Variants in ZBTB16 observed in about 807,000 individuals in gnomAD.
The protein encoded by ZBTB16 is zinc finger and BTB domain containing 16.
In ZBTB16, 8 loss-of-function variants were observed where a neutral mutation model predicts 56.8. The observed-to-expected ratio is 0.14, with a 90% CI of 0.08 to 0.25. The LOEUF is 0.25. Among genes scored for constraint, ZBTB16 ranks in the 10% least tolerant of loss-of-function variants. The pLI is 1.00. For synonymous variants in ZBTB16, 363 were observed against 368.5 expected (o/e 0.98, Z 0.17); for missense variants, 625 against 903.0 (o/e 0.69, Z 3.95).
chr11:114,240,178 C>T (rs1256531428), intron 4 of ZBTB16, among the ~76,000 whole-genome samples: 1 of 152,132 alleles, frequency 6.6e-6, no homozygotes, highest in African/African-American at 2.4e-5. Context: ...ACTTCAGTGT[C>T]TGCAAAGGGA....
chr11:114,159,411 C>T (rs1189508296), intron 3 of ZBTB16, among the ~76,000 whole-genome samples: 4 of 152,180 alleles, frequency 2.6e-5, no homozygotes, highest in South Asian at 2.1e-4. Context: ...TAGGCAGGTG[C>T]GATGAGTCAT....
rs539061081 is a variant in ZBTB16, at chr11:114,099,336, T to C, written c.1268+34768T>C. 7.2e-5 allele frequency among the ~76,000 whole-genome samples: 11 copies of C among 152,220 alleles called. No homozygotes were observed. The South Asian group carries it at 1.2e-3, about 17-fold the overall frequency. ...GATACTCTGAATATATATATACACA[T>C]ACACACATATATAAAATAAATCTAT... On this transcript the variant is annotated intron_variant, in intron 2 of 6. Coordinates refer to ENST00000335953, the MANE Select transcript of ZBTB16 (RefSeq NM_006006.6).
At chr11:114,123,900 T>C (rs1420109736) in intron 2 of ZBTB16, among the ~76,000 whole-genome samples, 3 of 152,132 alleles carry the variant, frequency 2.0e-5, no homozygotes, top group African/African-American at 7.2e-5. Context: ...CCTTTTGTGG[T>C]GTCACCTCCA....
intron 5 of ZBTB16, among the ~76,000 whole-genome samples, chr11:114,243,122 G>A (rs571907809): frequency 1.6e-4 from 24 of 152,298 alleles, no homozygotes; most frequent in Non-Finnish European, 3.2e-4. Context: ...GGAGTGGATG[G>A]CTTAAATTCC....
At chr11:114,109,351 T>C (rs774110354) in intron 2 of ZBTB16, among the ~76,000 whole-genome samples, 1 of 152,238 alleles carries the variant, frequency 6.6e-6, no homozygotes, top group Non-Finnish European at 1.5e-5. Flanking sequence ...TTCTTTGGCT[T>C]AGTCAGGTCT....
At chr11:114,210,027 G>A in intron 4 of ZBTB16, 1 of 932,396 alleles carries the variant, frequency 1.1e-6, no homozygotes, top group Non-Finnish European at 1.3e-6. Flanking sequence ...TTTCCTCATT[G>A]GTAGAAGAGG....
intron 2 of ZBTB16, chr11:114,121,856 T>G: frequency 4.4e-6 from 2 of 455,814 alleles, no homozygotes; most frequent in South Asian, 1.5e-5. Flanking sequence ...TGGCAACACT[T>G]CATTTTGGAC....
At chr11:114,117,592 C>G (rs201539291) in intron 2 of ZBTB16, among the ~76,000 whole-genome samples, 32 of 152,024 alleles carry the variant, frequency 2.1e-4, no homozygotes, top group African/African-American at 6.8e-4. Context: ...GCTTGGATAA[C>G]TGGTGGATGG....
At chr11:114,215,336 C>T (rs1231103297) in intron 4 of ZBTB16, among the ~76,000 whole-genome samples, 1 of 152,168 alleles carries the variant, frequency 6.6e-6, no homozygotes, top group African/African-American at 2.4e-5. Context: ...TCTCTGCTCC[C>T]TCTTCTCATT....
At chr11:114,124,680 C>T (rs1171768929) in intron 2 of ZBTB16, among the ~76,000 whole-genome samples, 1 of 152,038 alleles carries the variant, frequency 6.6e-6, no homozygotes, top group Non-Finnish European at 1.5e-5. Flanking sequence ...TTGGCCATAT[C>T]CCTGAAACCT....
At chr11:114,204,114 A>T (rs1451958401) in intron 4 of ZBTB16, among the ~76,000 whole-genome samples, 1 of 151,844 alleles carries the variant, frequency 6.6e-6, no homozygotes, top group Non-Finnish European at 1.5e-5. Flanking sequence ...ATTAGAAAAT[A>T]CTTACAAACA....
rs1226308662 is a variant in ZBTB16, at chr11:114,063,979, C to A, written c.679C>A (p.Pro227Thr). 6.2e-7 allele frequency: 1 copy of A among 1,613,696 alleles called. No homozygotes were observed. The highest frequency in any genetic ancestry group is 2.2e-5 in the East Asian group (1 of 44,874). Reference sequence around the variant, plus strand: ...TCAGCCACCTGCAGGGCCCGAGGAGCCAACTCTGGCTGGGGGTGGGCGGCA... The same window carrying A: ...TCAGCCACCTGCAGGGCCCGAGGAGACAACTCTGGCTGGGGGTGGGCGGCA... ...TLQPPAGPEE[P>T]TLAGGGRHPG... Residue 227 changes from proline (P) to threonine (T), a missense_variant, in exon 2 of 7, where the codon CCA becomes ACA. By Grantham distance (38) the Pro-to-Thr change is conservative. This residue lies in a region of ZBTB16 where 384 missense variants were observed against 393.5 expected (regional missense o/e 0.98). Coordinates refer to ENST00000335953, the MANE Select transcript of ZBTB16 (RefSeq NM_006006.6). The surrounding 1 kb of genome is among the most constrained non-coding windows in gnomAD (Gnocchi z 6.5).
At chr11:114,243,069 G>T (rs894113259) in intron 5 of ZBTB16, among the ~76,000 whole-genome samples, 3 of 152,200 alleles carry the variant, frequency 2.0e-5, no homozygotes, top group African/African-American at 7.2e-5. Context: ...ATGGCCAAGA[G>T]GCATTTGCTT....
intron 2 of ZBTB16, among the ~76,000 whole-genome samples, chr11:114,120,200 T>C (rs1490795152): frequency 6.6e-6 from 1 of 152,140 alleles, no homozygotes; most frequent in Non-Finnish European, 1.5e-5. Context: ...AGAGTATCTT[T>C]CCATACCTTC....
At chr11:114,160,019 C>A (rs1310128939) in intron 3 of ZBTB16, among the ~76,000 whole-genome samples, 1 of 150,872 alleles carries the variant, frequency 6.6e-6, no homozygotes, top group Non-Finnish European at 1.5e-5. Context: ...TTGTGGTTGC[C>A]CCCCTAAATG....
intron 4 of ZBTB16, among the ~76,000 whole-genome samples, chr11:114,208,204 C>T (rs1943928526): frequency 6.6e-6 from 1 of 152,184 alleles, no homozygotes; most frequent in Non-Finnish European, 1.5e-5. Flanking sequence ...GAAGATTGAA[C>T]CACCTTGGGG....
chr11:114,232,631 C>CTTGCTCTGCAGAGCTGGGCTAGGCTAGGA (rs1944462668), intron 4 of ZBTB16, among the ~76,000 whole-genome samples: 1 of 152,210 alleles, frequency 6.6e-6, no homozygotes, highest in African/African-American at 2.4e-5. Flanking sequence ...CTAGGCTAGG[C>CTTGCTCTGCAGAGCTGGGCTAGGCTAGGA]TTGCTCTGCA....
At chr11:114,224,057 T>C (rs1944286851) in intron 4 of ZBTB16, among the ~76,000 whole-genome samples, 2 of 152,090 alleles carry the variant, frequency 1.3e-5, no homozygotes, top group African/African-American at 4.8e-5. Context: ...CTGGGGACAA[T>C]AGGGAAGTAA....
intron 2 of ZBTB16, among the ~76,000 whole-genome samples, chr11:114,144,189 CACA>C (rs975116661): frequency 6.6e-6 from 1 of 151,740 alleles, no homozygotes; most frequent in African/African-American, 2.4e-5. Flanking sequence ...CACACACACA[CACA>C]CACACACACA....
Sources: gnomAD v4.1 joint callset for allele counts (sites outside exome capture counted in the v4.1 genomes callset) on GRCh38, gnomAD v4.1.1 for gene constraint, gnomAD v4.1.1 regional missense constraint, Gnocchi (gnomAD v3.1) non-coding constraint, MANE v1.5 for transcripts, NCBI Gene and HGNC (gene_info 2026-07-23, HGNC 2026-07-21) for gene names.